The following CNTN4 variants were observed in gnomAD, a reference collection of about 807,000 sequenced individuals.
The protein encoded by CNTN4 is contactin-4.
CNTN4 carries 77 observed loss-of-function variants against 122.5 expected under a neutral mutation model. The ratio of observed to expected loss-of-function variants is 0.63; its 90% CI spans 0.52 to 0.76. The LOEUF (loss-of-function observed/expected upper bound fraction) is 0.76. Among genes scored for constraint, CNTN4 ranks in the 30% least tolerant of loss-of-function variants. The pLI is 0.00. For missense variants in CNTN4, 1,256 were observed against 1,259.1 expected (o/e 1.00, Z 0.04); for synonymous variants, 512 against 447.0 (o/e 1.15, Z -1.83).
At chr3:2,137,379 G>C (rs1270651290) in intron 2 of CNTN4, among the ~76,000 whole-genome samples, 1 of 152,156 alleles carries the variant, frequency 6.6e-6, no homozygotes, top group African/African-American at 2.4e-5. Flanking sequence ...CAGAAAAAGG[G>C]AATGTGTGAA....
Position 2,286,750 on chromosome 3 carries a change from A to G in CNTN4, c.-144-52428A>G, listed in dbSNP as rs569175864. Among the ~76,000 whole-genome samples, 20 of 152,294 alleles carry G rather than the reference A, an allele frequency of 1.3e-4. 1 individual carries two copies. The Middle Eastern group carries it at 0.031, about 233-fold the overall frequency. The stretch of plus-strand genomic sequence containing the variant: ...ATGTTTAGTTTACTCTGGGCACCAT[A>G]TTTTCAAAGGGACATAAATGAACTA... On this transcript the variant is annotated intron_variant, in intron 2 of 24. Transcript: ENST00000418658.
At chr3:2,316,214 A>G (rs2043092686) in intron 2 of CNTN4, among the ~76,000 whole-genome samples, 1 of 152,088 alleles carries the variant, frequency 6.6e-6, no homozygotes, top group African/African-American at 2.4e-5. Flanking sequence ...TGGATTGTTA[A>G]TAGATATTAA....
chr3:2,729,445 T>TG (rs1333470112), intron 4 of CNTN4, among the ~76,000 whole-genome samples: 2 of 140,604 alleles, frequency 1.4e-5, no homozygotes, highest in African/African-American at 2.7e-5. Context: ...CTCGGGAGGC[T>TG]AAGCAGGAGA....
intron 4 of CNTN4, among the ~76,000 whole-genome samples, chr3:2,619,234 A>G (rs1048426701): frequency 6.6e-5 from 10 of 152,236 alleles, no homozygotes; most frequent in African/African-American, 2.2e-4. Context: ...AGAAAATATC[A>G]TGATTCCCAA....
intron 2 of CNTN4, among the ~76,000 whole-genome samples, chr3:2,290,872 G>C (rs1471554118): frequency 6.6e-6 from 1 of 152,020 alleles, no homozygotes; most frequent in Non-Finnish European, 1.5e-5. Flanking sequence ...GAACTTTGTA[G>C]AGTTTATTGT....
chr3:3,047,174 G>A (rs528561108), intron 23 of CNTN4, among the ~76,000 whole-genome samples: 21 of 151,890 alleles, frequency 1.4e-4, no homozygotes, highest in African/African-American at 5.1e-4. Context: ...ACACAATAAT[G>A]ACGGGAGACT....
At chr3:2,635,391 C>G (rs923910628) in intron 4 of CNTN4, among the ~76,000 whole-genome samples, 4 of 152,158 alleles carry the variant, frequency 2.6e-5, no homozygotes, top group Non-Finnish European at 5.9e-5. Flanking sequence ...TTAGCCATGC[C>G]TTATCTCCCA....
At chr3:2,959,357 G>T (rs1383563195) in intron 13 of CNTN4, among the ~76,000 whole-genome samples, 1 of 152,118 alleles carries the variant, frequency 6.6e-6, no homozygotes, top group African/African-American at 2.4e-5. Context: ...GAGCGTCTGT[G>T]TAAAGCTCTT....
intron 7 of CNTN4, among the ~76,000 whole-genome samples, chr3:2,856,480 G>C (rs186098198): frequency 6.6e-6 from 1 of 152,212 alleles, no homozygotes; most frequent in Non-Finnish European, 1.5e-5. Flanking sequence ...CGGCACACAA[G>C]GGGATCAGTG....
At chr3:2,852,761 AAAT>A (rs2093567917) in intron 7 of CNTN4, among the ~76,000 whole-genome samples, 1 of 152,340 alleles carries the variant, frequency 6.6e-6, no homozygotes, top group Non-Finnish European at 1.5e-5. Flanking sequence ...GACCGGTTAT[AAAT>A]AATACTTCAC....
chr3:2,570,746 C>T (rs1462833450), intron 3 of CNTN4, among the ~76,000 whole-genome samples: 2 of 152,124 alleles, frequency 1.3e-5, no homozygotes, highest in South Asian at 2.1e-4. Flanking sequence ...CCTCTCTTCA[C>T]TGCAGAATTC....
intron 2 of CNTN4, among the ~76,000 whole-genome samples, chr3:2,264,202 T>C (rs1400399371): frequency 1.3e-5 from 2 of 152,174 alleles, no homozygotes; most frequent in Non-Finnish European, 2.9e-5. Context: ...CTTTTTTCCA[T>C]ACTGGCTGTG....
intron 7 of CNTN4, among the ~76,000 whole-genome samples, chr3:2,834,279 T>C (rs1213608170): frequency 6.6e-6 from 1 of 152,006 alleles, no homozygotes; most frequent in Non-Finnish European, 1.5e-5. Context: ...ATCAAAGAAG[T>C]TGTGGCCAGG....
In CNTN4 at chr3:2,659,591, C is replaced by T. The variant is rs115714688; in HGVS notation, c.56-76624C>T. On this transcript the variant is annotated intron_variant, in intron 4 of 24. Transcript: ENST00000418658. Reference sequence around the variant, plus strand: ...TTGTTCTCTTATGTCCTATAAAGATCAGTGAATTCTAACGACTTTTACACT... The same window carrying T: ...TTGTTCTCTTATGTCCTATAAAGATTAGTGAATTCTAACGACTTTTACACT... Among the ~76,000 whole-genome samples, 366 of 151,928 alleles carry T rather than the reference C, an allele frequency of 2.4e-3. 5 individuals carry two copies. The highest frequency in any genetic ancestry group is 8.7e-3 in the African/African-American group (359 of 41,468).
intron 4 of CNTN4, among the ~76,000 whole-genome samples, chr3:2,575,458 C>T (rs911521765): frequency 6.6e-6 from 1 of 152,092 alleles, no homozygotes; most frequent in Non-Finnish European, 1.5e-5. Context: ...TTGCAGTGAG[C>T]CGAGATCGTA....
At chr3:2,962,329 C>T (rs376752543) in intron 13 of CNTN4, among the ~76,000 whole-genome samples, 3 of 152,200 alleles carry the variant, frequency 2.0e-5, no homozygotes, top group South Asian at 2.1e-4. Flanking sequence ...CACACTCTTC[C>T]GAATATTCAA....
intron 4 of CNTN4, among the ~76,000 whole-genome samples, chr3:2,617,111 C>T (rs1182271150): frequency 6.6e-6 from 1 of 152,154 alleles, no homozygotes; most frequent in Non-Finnish European, 1.5e-5. Context: ...ATGCCAAAAG[C>T]AACGGCAACA....
At chr3:2,480,958 T>G (rs1255857518) in intron 3 of CNTN4, among the ~76,000 whole-genome samples, 3 of 152,202 alleles carry the variant, frequency 2.0e-5, no homozygotes, top group Non-Finnish European at 4.4e-5. Flanking sequence ...TAGCTAATCT[T>G]TGACAAAGGA....
At chr3:2,413,230 G>C (rs2047292079) in intron 3 of CNTN4, among the ~76,000 whole-genome samples, 1 of 152,180 alleles carries the variant, frequency 6.6e-6, no homozygotes, top group African/African-American at 2.4e-5. Context: ...ATAACAACCA[G>C]AGAGAGATTG....
Sources: gnomAD v4.1 joint callset for allele counts (sites outside exome capture counted in the v4.1 genomes callset) on GRCh38, gnomAD v4.1.1 for gene constraint, MANE v1.5 for transcripts, NCBI Gene and HGNC (gene_info 2026-07-23, HGNC 2026-07-21) for gene names.